The following PLCH1 variants were observed in gnomAD, a reference collection of about 807,000 sequenced individuals.
PLCH1 encodes the protein 1-phosphatidylinositol 4,5-bisphosphate phosphodiesterase eta-1.
PLCH1 carries 60 observed loss-of-function variants against 126.7 expected under a neutral mutation model. That is an observed-to-expected ratio of 0.47 (90% confidence interval 0.38 to 0.59). The LOEUF is 0.59. Ranked by LOEUF, PLCH1 falls within the 20% of genes least tolerant of loss-of-function variation. The probability of loss-of-function intolerance (pLI) is 0.00; values close to 1 mark genes in which losing one functional copy is unlikely to be tolerated. For synonymous variants in PLCH1, 719 were observed against 734.9 expected, an observed-to-expected ratio of 0.98 and a Z score of 0.35; for missense variants, 1,723 against 2,040.0, an observed-to-expected ratio of 0.84 and a Z score of 2.99.
At chr3:155,487,980 A>T in intron 21 of PLCH1, 48 bp downstream of exon 21, 1 of 1,118,806 alleles carries the variant, frequency 8.9e-7, no homozygotes, top group Non-Finnish European at 1.4e-6. Flanking sequence ...TAGCATTGTT[A>T]AGGACCATAT....
intron 18 of PLCH1, 68 bp from the exon 19 acceptor site, chr3:155,490,936 A>G: frequency 3.4e-6 from 3 of 883,130 alleles, no homozygotes; most frequent in Non-Finnish European, 5.5e-6. Context: ...TAATCTGAGA[A>G]TATTGGCCAA....
At chr3:155,494,292 A>G (rs762600219) in intron 16 of PLCH1, 44 bp from the exon 17 acceptor site, 6 of 1,610,526 alleles carry the variant, frequency 3.7e-6, no homozygotes, top group South Asian at 1.1e-5. Context: ...AGATGGTGGC[A>G]TAGTGAGAAT....
intron 21 of PLCH1, among the ~76,000 whole-genome samples, chr3:155,486,454 G>T (rs1437544842): frequency 6.6e-6 from 1 of 151,064 alleles, no homozygotes; most frequent in Non-Finnish European, 1.5e-5. Flanking sequence ...TTATTTAGCA[G>T]AGAAGATGGA....
chr3:155,620,070 T>C (rs893478223), intron 2 of PLCH1, among the ~76,000 whole-genome samples: 46 of 152,182 alleles, frequency 3.0e-4, no homozygotes, highest in African/African-American at 1.1e-3. Flanking sequence ...GGAGTTGTTA[T>C]CCCAAATCAG....
At chr3:155,678,878 C>A (rs1744294341) in intron 2 of PLCH1, among the ~76,000 whole-genome samples, 1 of 152,146 alleles carries the variant, frequency 6.6e-6, no homozygotes, top group Non-Finnish European at 1.5e-5. Context: ...TTACCTTCAC[C>A]AATCAGGTGA....
intron 21 of PLCH1, among the ~76,000 whole-genome samples, chr3:155,456,533 G>A (rs565229213): frequency 3.3e-5 from 5 of 152,126 alleles, no homozygotes; most frequent in South Asian, 2.1e-4. Context: ...ATCCCATGGC[G>A]TTAAGCCTAT....
In PLCH1 at chr3:155,481,618, G is replaced by T; in HGVS notation, c.4408C>A (p.His1470Asn). 6.2e-7 allele frequency: 1 copy of T among 1,614,164 alleles called. No individual in the cohort carries two copies. Among genetic ancestry groups the T allele is most frequent in the Non-Finnish European group, 8.5e-7 (1 of 1,180,030 alleles). Residue 1470 changes from histidine to asparagine, a missense_variant, in exon 23 of 23, where the codon CAT (histidine) becomes AAT (asparagine). His to Asn is a moderately conservative substitution (Grantham distance 68). Around this residue, in one of 2 missense-constraint regions of PLCH1, gnomAD observed 947 missense variants for 977.1 expected, o/e 0.97. Coordinates refer to ENST00000460012, the MANE Select transcript of PLCH1 (RefSeq NM_014996.4). This position sits in a 1 kb window ranked among gnomAD's most constrained non-coding sequence, Gnocchi z 4.2. ...AGTTTCAGAGCAGGCAAAGGAAGAT[G>T]TGCCAACTGCTTGGGTACAGGGACA... ...MHVPVPKQLA[H>N]LPLPALKLPS...
intron 15 of PLCH1, among the ~76,000 whole-genome samples, chr3:155,495,395 T>G (rs140668977): frequency 2.2e-4 from 34 of 152,228 alleles, no homozygotes; most frequent in Middle Eastern, 3.4e-3. Context: ...CCCCCGCTAT[T>G]TCCACTCCTT....
At chr3:155,722,508 T>A (rs1167793804) in intron 1 of PLCH1, among the ~76,000 whole-genome samples, 3 of 152,188 alleles carry the variant, frequency 2.0e-5, no homozygotes, top group Non-Finnish European at 2.9e-5. Context: ...TATGGCAATT[T>A]TGCTGAGGGT....
At chr3:155,667,920 A>T (rs1433614869) in intron 2 of PLCH1, among the ~76,000 whole-genome samples, 2 of 150,044 alleles carry the variant, frequency 1.3e-5, no homozygotes, top group Non-Finnish European at 3.0e-5. Context: ...AAAAAAAAAA[A>T]AAAAAAATAC....
chr3:155,669,195 G>A (rs1281747193), intron 2 of PLCH1, among the ~76,000 whole-genome samples: 1 of 150,290 alleles, frequency 6.7e-6, no homozygotes. Context: ...AAAACAGTAA[G>A]TAGTAATGAG....
intron 2 of PLCH1, 114 bp from the exon 3 acceptor site, chr3:155,596,492 G>T: frequency 6.7e-6 from 5 of 743,036 alleles, no homozygotes; most frequent in East Asian, 3.1e-5. Context: ...CCAAGGACCA[G>T]AACAAATTTG....
In PLCH1 at chr3:155,566,291, GTATATATACACATATATATACA is replaced by G. The variant is rs1728481646; in HGVS notation, c.866-1195_866-1174del. Among the ~76,000 whole-genome samples, 7 of 23,178 alleles carry G rather than the reference GTATATATACACATATATATACA, an allele frequency of 3.0e-4. 1 individual carries two copies. Among genetic ancestry groups the G allele is most frequent in the African/African-American group, 5.8e-4 (6 of 10,434 alleles). The allele number at this position is 23,178 out of a possible 152,430, so 15.2% of individuals were successfully genotyped here. On this transcript the variant is annotated intron_variant, in intron 7 of 22. Coordinates refer to ENST00000460012, the MANE Select transcript of PLCH1 (RefSeq NM_014996.4). Reference sequence around the variant, plus strand: ...TATATACATATATACATATATATACGTATATATACACATATATATACATATATACATATATATACGTATATAT... The same window carrying G: ...TATATACATATATACATATATATACGTATATACATATATATACGTATATAT...
intron 2 of PLCH1, among the ~76,000 whole-genome samples, chr3:155,629,418 A>C (rs1737756437): frequency 6.6e-6 from 1 of 152,208 alleles, no homozygotes; most frequent in Non-Finnish European, 1.5e-5. Flanking sequence ...TCAGTTCCAG[A>C]CTTGCTCGTA....
At chr3:155,700,905 T>C (rs1044029264) in intron 2 of PLCH1, among the ~76,000 whole-genome samples, 9 of 152,210 alleles carry the variant, frequency 5.9e-5, no homozygotes, top group African/African-American at 2.2e-4. Context: ...TTTTTTCTAT[T>C]GCAAACATAT....
downstream of PLCH1, among the ~76,000 whole-genome samples, chr3:155,477,128 G>C (rs576025343): frequency 1.6e-4 from 24 of 151,942 alleles, no homozygotes; most frequent in African/African-American, 5.5e-4. Flanking sequence ...TTCAACAAAA[G>C]TGCCAAGAAC....
intron 4 of PLCH1, among the ~76,000 whole-genome samples, chr3:155,587,520 G>A (rs1731543633): frequency 6.6e-6 from 1 of 152,138 alleles, no homozygotes; most frequent in Non-Finnish European, 1.5e-5. Flanking sequence ...TCTACACCAC[G>A]CTTCTCTTCC....
chr3:155,494,570 A>G lies in PLCH1; in HGVS notation c.1895-53T>C, dbSNP rs963277024. On this transcript the variant is annotated intron_variant, in intron 15 of 22. Coordinates refer to ENST00000460012, the MANE Select transcript of PLCH1 (RefSeq NM_014996.4). Reference sequence around the variant, plus strand: ...AAGTGAGAACTACAGCAAAGAAAACACCACGCACAGAAGACTTTATAATAA... The same window carrying G: ...AAGTGAGAACTACAGCAAAGAAAACGCCACGCACAGAAGACTTTATAATAA... The G allele has an allele frequency of 8.7e-6, 12 of 1,373,178 alleles. No individual in the cohort carries two copies. In the Admixed American group the frequency reaches 1.9e-4, roughly 22 times the overall value. The allele number at this position is 1,373,178 out of a possible 1,614,324, so 85.1% of individuals were successfully genotyped here.
At chr3:155,741,692 T>TTTTTTTATTTTTTTTTTTTTA (rs1559977213) in intron 1 of PLCH1, among the ~76,000 whole-genome samples, 1 of 145,422 alleles carries the variant, frequency 6.9e-6, no homozygotes, top group Non-Finnish European at 1.5e-5. Context: ...CTCTTTTTTT[T>TTTTTTTATTTTTTTTTTTTTA]TTTTTTTTTT....
Sources: allele counts gnomAD v4.1 joint callset (sites outside exome capture counted in the v4.1 genomes callset), GRCh38; gene constraint gnomAD v4.1.1; regional missense constraint gnomAD v4.1.1; non-coding constraint Gnocchi (gnomAD v3.1); transcripts MANE v1.5; gene names NCBI Gene and HGNC (gene_info 2026-07-23, HGNC 2026-07-21).